Variants in PTPRN2 observed in about 807,000 individuals in gnomAD.
The protein encoded by PTPRN2 is receptor-type tyrosine-protein phosphatase N2.
Under a neutral mutation model 118.8 loss-of-function variants are expected in PTPRN2, and 74 were observed. That is an observed-to-expected ratio of 0.62 (90% CI 0.52 to 0.76). PTPRN2 has a LOEUF of 0.76. Among genes scored for constraint, PTPRN2 ranks in the 30% least tolerant of loss-of-function variants. PTPRN2 has a pLI of 0.00. For synonymous variants in PTPRN2, 641 were observed against 608.0 expected (o/e 1.05, Z -0.80); for missense variants, 1,481 against 1,394.4 (o/e 1.06, Z -0.99).
In PTPRN2 at chr7:157,613,018, G is replaced by A. The variant is rs558779368; in HGVS notation, c.2344+8344C>T. Among the ~76,000 whole-genome samples the A allele has an allele frequency of 5.9e-5, 9 of 152,334 alleles. No individual in the cohort carries two copies. In the South Asian group the frequency reaches 1.9e-3, roughly 32 times the overall value. On this transcript the variant is annotated intron_variant, in intron 15 of 22. Transcript: ENST00000389418. ...CACTGACAGGGAGAGTCCCTGAGGA[G>A]GGGCCGGGGTGCTTCCGGCCTGGGT...
intron 12 of PTPRN2, among the ~76,000 whole-genome samples, chr7:157,743,394 C>A (rs955208094): frequency 6.6e-6 from 1 of 152,198 alleles, no homozygotes; most frequent in Admixed American, 6.5e-5. Flanking sequence ...GCAATCGGTG[C>A]GGCGGGCTAT....
Position 158,337,754 on chromosome 7 carries a change from G to T in PTPRN2, c.164-20822C>A, listed in dbSNP as rs548665909. Among the ~76,000 whole-genome samples, 824 of 119,566 alleles carry T rather than the reference G, an allele frequency of 6.9e-3. 1 individual carries two copies. Among genetic ancestry groups the T allele is most frequent in the Non-Finnish European group, 0.01 (581 of 57,266 alleles). 78.4% of individuals were successfully genotyped at this position (119,566 alleles called of 152,430 possible). Reference sequence around the variant, plus strand: ...ACTCACAACCACACTCTCACCATAAGAGGTGACACCTGCAAACGTCACTCA... The same window carrying T: ...ACTCACAACCACACTCTCACCATAATAGGTGACACCTGCAAACGTCACTCA... On this transcript the variant is annotated intron_variant, in intron 2 of 22. Transcript: ENST00000389418.
intron 12 of PTPRN2, among the ~76,000 whole-genome samples, chr7:157,755,890 A>G (rs1301200689): frequency 1.3e-5 from 2 of 152,202 alleles, no homozygotes; most frequent in African/African-American, 4.8e-5. Flanking sequence ...AATAAATTTG[A>G]AAAAAAGAAG....
Position 157,621,424 on chromosome 7 carries a change from C to CTGT in PTPRN2, c.2279_2281dup (p.Asn760dup), listed in dbSNP as rs1243857236. On this transcript the variant is annotated inframe_insertion, in exon 15 of 23. Coordinates refer to ENST00000389418, the MANE Select transcript of PTPRN2 (RefSeq NM_002847.5). ...CTCCTCCCTCTGGGCCACGAACGAG[C>CTGT]TGTTGGGCTCCGCCTGGTAGGCGCA... 3.1e-6 allele frequency: 5 copies of CTGT among 1,613,932 alleles called. No homozygotes were observed. The Admixed American group carries it at 5.0e-5, about 16-fold the overall frequency.
At chr7:157,624,379 T>G (rs1178693368) in intron 14 of PTPRN2, among the ~76,000 whole-genome samples, 1 of 151,596 alleles carries the variant, frequency 6.6e-6, no homozygotes, top group Admixed American at 6.6e-5. Context: ...CGAGATCGCA[T>G]CATTGCACTC....
At chr7:157,652,903 C>A (rs1805765055) in intron 14 of PTPRN2, among the ~76,000 whole-genome samples, 1 of 152,372 alleles carries the variant, frequency 6.6e-6, no homozygotes, top group Admixed American at 6.5e-5. Context: ...GGAATCCCAG[C>A]CTCTGTGCAG....
At chr7:157,888,309 A>T (rs1796603059) in intron 12 of PTPRN2, among the ~76,000 whole-genome samples, 4 of 152,176 alleles carry the variant, frequency 2.6e-5, no homozygotes, top group African/African-American at 2.4e-5. Context: ...CACCTTACCC[A>T]AGGAACCCCG....
At chr7:158,048,899 CCAT>C (rs1173815328) in intron 11 of PTPRN2, among the ~76,000 whole-genome samples, 1 of 118,842 alleles carries the variant, frequency 8.4e-6, no homozygotes, top group Non-Finnish European at 1.8e-5. Context: ...ACCATCATCA[CCAT>C]ATCACCACCA....
intron 21 of PTPRN2, among the ~76,000 whole-genome samples, chr7:157,553,664 T>A (rs1798744885): frequency 6.6e-6 from 1 of 151,886 alleles, no homozygotes; most frequent in African/African-American, 2.4e-5. Flanking sequence ...TGCCTCCGAG[T>A]CGCGCTGAGC....
chr7:158,334,356 T>C (rs1451283701), intron 2 of PTPRN2, among the ~76,000 whole-genome samples: 1 of 57,104 alleles, frequency 1.8e-5, no homozygotes, highest in Non-Finnish European at 3.4e-5. Flanking sequence ...ACTCTCACCA[T>C]AAGAGCTGAC....
rs193172671 is a variant in PTPRN2, at chr7:158,287,958, A to G, written c.277+28861T>C. On this transcript the variant is annotated intron_variant, in intron 3 of 22. Coordinates refer to ENST00000389418, the MANE Select transcript of PTPRN2 (RefSeq NM_002847.5). ...TTACAGTCCATCTCTCTTTCTTCAG[A>G]CATATTAATATTTGCTTTACATACT... Among the ~76,000 whole-genome samples the G allele has an allele frequency of 2.4e-3, 362 of 152,258 alleles. 1 individual carries two copies. Among genetic ancestry groups the G allele is most frequent in the African/African-American group, 8.4e-3 (348 of 41,580 alleles).
chr7:157,567,993 C>A (rs894688059), intron 21 of PTPRN2, among the ~76,000 whole-genome samples: 1 of 152,156 alleles, frequency 6.6e-6, no homozygotes, highest in Non-Finnish European at 1.5e-5. Flanking sequence ...GCCTGGGGAG[C>A]CTTCTCTCTG....
intron 11 of PTPRN2, among the ~76,000 whole-genome samples, chr7:158,018,695 T>A (rs1806624808): frequency 6.6e-6 from 1 of 152,162 alleles, no homozygotes; most frequent in African/African-American, 2.4e-5. Context: ...GCACAGTGGC[T>A]CACTCCTGTA....
At chr7:157,546,991 C>T (rs1798353622) in intron 22 of PTPRN2, among the ~76,000 whole-genome samples, 2 of 152,174 alleles carry the variant, frequency 1.3e-5, no homozygotes, top group South Asian at 2.1e-4. Flanking sequence ...CATCCTAAAG[C>T]CAGTGTGTGT....
intron 12 of PTPRN2, among the ~76,000 whole-genome samples, chr7:157,850,846 A>G (rs143984743): frequency 6.6e-6 from 1 of 152,378 alleles, no homozygotes; most frequent in East Asian, 1.9e-4. Flanking sequence ...GCTGTGCCAC[A>G]TCAATGTGTA....
chr7:158,336,705 C>T (rs1194085368), intron 2 of PTPRN2, among the ~76,000 whole-genome samples: 1 of 126,904 alleles, frequency 7.9e-6, no homozygotes, highest in African/African-American at 2.9e-5. Context: ...ACGTCACTCA[C>T]ACCCACACTC....
intron 2 of PTPRN2, among the ~76,000 whole-genome samples, chr7:158,333,254 C>T (rs1274733474): frequency 2.4e-5 from 3 of 127,344 alleles, no homozygotes; most frequent in Admixed American, 7.5e-5. Context: ...AAAGAGCTGT[C>T]GCCCGCAGGA....
chr7:158,211,177 T>G (rs1361950331), intron 3 of PTPRN2, among the ~76,000 whole-genome samples: 1 of 152,122 alleles, frequency 6.6e-6, no homozygotes, highest in African/African-American at 2.4e-5. Flanking sequence ...CACATAAAAA[T>G]GGATTAAAGA....
chr7:157,993,884 C>A (rs1191353365), intron 11 of PTPRN2, among the ~76,000 whole-genome samples: 1 of 152,148 alleles, frequency 6.6e-6, no homozygotes, highest in Non-Finnish European at 1.5e-5. Context: ...GAAGACAAAA[C>A]CCAAGGGGGG....
Sources: allele counts gnomAD v4.1 joint callset (sites outside exome capture counted in the v4.1 genomes callset), GRCh38; gene constraint gnomAD v4.1.1; transcripts MANE v1.5; gene names NCBI Gene and HGNC (gene_info 2026-07-23, HGNC 2026-07-21).